STARD8: variants seen among roughly 807,000 people sequenced by gnomAD.
The protein encoded by STARD8 is stAR-related lipid transfer protein 8.
Under a neutral mutation model 69.4 loss-of-function variants are expected in STARD8, and 25 were observed. That is an observed-to-expected ratio of 0.36 (90% CI 0.26 to 0.50). STARD8 has a LOEUF of 0.50. STARD8 is among the 20% of genes least tolerant of loss of function. The pLI is 0.96. For synonymous variants in STARD8, 389 were observed against 374.6 expected (o/e 1.04, Z -0.45); for missense variants, 921 against 932.5 (o/e 0.99, Z 0.16).
At chrX:68,711,216 A>G (rs1196289469) in intron 2 of STARD8, among the ~76,000 whole-genome samples, 1 of 102,360 alleles carries the variant, frequency 9.8e-6, no homozygotes, top group Non-Finnish European at 1.9e-5. Flanking sequence ...ACATACATGT[A>G]TGCATGCACA....
At chrX:68,691,780 A>C (rs952444002) in intron 2 of STARD8, among the ~76,000 whole-genome samples, 2 of 112,354 alleles carry the variant, frequency 1.8e-5, no homozygotes, top group African/African-American at 6.5e-5. Flanking sequence ...CTTTTAAAAA[A>C]ATACAGCTGG....
At chrX:68,695,992 G>T (rs2079916862) in intron 2 of STARD8, among the ~76,000 whole-genome samples, 2 of 112,062 alleles carry the variant, frequency 1.8e-5, no homozygotes, top group African/African-American at 3.2e-5. Context: ...GAAAGTTCAG[G>T]TTCAACAGAT....
intron 12 of STARD8, among the ~76,000 whole-genome samples, 181 bp from the exon 13 acceptor site, chrX:68,723,445 A>AAG (rs1178723693): frequency 1.8e-5 from 2 of 111,998 alleles, no homozygotes; most frequent in Admixed American, 9.4e-5. Context: ...ACATCCAGAA[A>AAG]AGAGAGAGAG....
At chrX:68,705,414 G>A (rs752841713) in intron 2 of STARD8, among the ~76,000 whole-genome samples, 8 of 112,453 alleles carry the variant, frequency 7.1e-5, no homozygotes, top group African/African-American at 2.3e-4. Flanking sequence ...AGGAGCTCAG[G>A]CCACTGCTTC....
chrX:68,654,723 T>C (rs2079600828), intron 1 of STARD8, among the ~76,000 whole-genome samples: 2 of 110,642 alleles, frequency 1.8e-5, no homozygotes, highest in South Asian at 7.7e-4. Flanking sequence ...CTGTGCAGGC[T>C]CACATTCATG....
At chrX:68,723,910 T>C in intron 13 of STARD8, 35 bp from the exon 14 acceptor site, 1 of 1,209,091 alleles carries the variant, frequency 8.3e-7, no homozygotes, top group Non-Finnish European at 1.1e-6. Flanking sequence ...AAACCAGCAC[T>C]AGGAATCTGA....
At chrX:68,693,078 T>A (rs772746815) in intron 2 of STARD8, among the ~76,000 whole-genome samples, 64 of 112,814 alleles carry the variant, frequency 5.7e-4, no homozygotes, top group Middle Eastern at 4.6e-3. Context: ...CCTGCCACGA[T>A]TAATGTTCGT....
intron 2 of STARD8, among the ~76,000 whole-genome samples, chrX:68,695,343 C>T (rs1273786497): frequency 9.0e-6 from 1 of 111,111 alleles, no homozygotes; most frequent in Non-Finnish European, 1.9e-5. Flanking sequence ...TGCCATCTAG[C>T]TGGACATTCT....
Position 68,715,287 on chromosome X carries a change from C to G in STARD8, c.152-7C>G. 8.3e-7 allele frequency: 1 copy of G among 1,202,863 alleles called. No homozygotes were observed. ...TGCACTCATCTTTGCTTCTCTCTGC[C>G]ATACAGAAGGTTCGTTTCCCCTGGA... On this transcript the variant is annotated splice_region_variant and splice_polypyrimidine_tract_variant and intron_variant, in intron 3 of 14. Transcript: ENST00000374599.
chrX:68,694,830 G>A (rs1351133505), intron 2 of STARD8, among the ~76,000 whole-genome samples: 1 of 110,905 alleles, frequency 9.0e-6, no homozygotes, highest in East Asian at 2.8e-4. Context: ...TGCGTGGAGG[G>A]GTGGGCGACA....
At chrX:68,721,923 C>T (rs1198735916) in intron 10 of STARD8, 124 bp from the exon 11 acceptor site, 1 of 799,916 alleles carries the variant, frequency 1.3e-6, no homozygotes, top group Non-Finnish European at 1.8e-6. Context: ...TTCCAAAAGG[C>T]AGCAGGTTGT....
chrX:68,717,703 C>T lies in STARD8; in HGVS notation c.789C>T (p.Ala263=), dbSNP rs752022489. ...GATTTTACAGGGCCAAGAACTGGGC[C>T]GCCACCTCAGCCGGTGGCAGTGGTG... ...SAGFYRAKNW[A]ATSAGGSGAN... The change falls in exon 6 of 15, where the codon GCC becomes GCT. Residue 263 remains alanine, a synonymous_variant. Transcript: ENST00000374599. 22 of 1,210,794 alleles carry T rather than the reference C, an allele frequency of 1.8e-5. No homozygotes were observed. Among genetic ancestry groups the T allele is most frequent in the Middle Eastern group, 2.3e-4 (1 of 4,375 alleles).
Position 68,722,103 on chromosome X carries a change from A to G in STARD8, c.2516A>G (p.Asn839Ser), listed in dbSNP as rs1447200033. The change falls in exon 11 of 15, where the codon AAC becomes AGC. Residue 839 changes from asparagine to serine, a missense_variant. Transcript: ENST00000374599. ...GRPGPRDLSD[N>S]MAATQGLSHM... ...CCAGGCCCTAGGGACCTGAGTGACA[A>G]CATGGCAGCCACCCAGGGCCTGTCG... 2.5e-6 allele frequency: 3 copies of G among 1,206,358 alleles called. No homozygotes were observed. The African/African-American group carries it at 5.3e-5, about 21-fold the overall frequency.
At chrX:68,667,470 G>A (rs912983762) in intron 2 of STARD8, among the ~76,000 whole-genome samples, 7 of 112,286 alleles carry the variant, frequency 6.2e-5, no homozygotes, top group African/African-American at 2.3e-4. Flanking sequence ...GGGGTGAGCA[G>A]AACGCTTCAT....
chrX:68,648,132 G>C (rs1407589628), intron 1 of STARD8, among the ~76,000 whole-genome samples: 1 of 112,367 alleles, frequency 8.9e-6, no homozygotes, highest in Non-Finnish European at 1.9e-5. Context: ...ATACAAACAA[G>C]TCTGCTAGTT....
intron 3 of STARD8, among the ~76,000 whole-genome samples, chrX:68,713,528 C>A (rs1455537405): frequency 4.5e-5 from 5 of 111,777 alleles, no homozygotes; most frequent in Non-Finnish European, 9.4e-5. Flanking sequence ...TGGTCACACT[C>A]AGTGGTCACT....
chrX:68,653,315 A>C (rs2079582378), intron 1 of STARD8, among the ~76,000 whole-genome samples: 2 of 46,932 alleles, frequency 4.3e-5, no homozygotes, highest in Non-Finnish European at 3.8e-5. Context: ...ACCACACCAC[A>C]CACCACACAC....
intron 5 of STARD8, 135 bp from the exon 6 acceptor site, chrX:68,717,077 C>G (rs1390428322): frequency 9.9e-7 from 1 of 1,009,384 alleles, no homozygotes; most frequent in African/African-American, 2.0e-5. Context: ...CTCTCCCCAC[C>G]TAGGCCATGT....
In STARD8 at chrX:68,690,097, T is replaced by C. The variant is rs188488119; in HGVS notation, c.80-22817T>C. ...GATCAATAGCCCCCTTTCATGAGGC[T>C]GGGCGGGGGCCCCAAGCCACCAGGG... On this transcript the variant is annotated intron_variant, in intron 2 of 14. Coordinates refer to ENST00000374599, the MANE Select transcript of STARD8 (RefSeq NM_001142503.3). Among the ~76,000 whole-genome samples, 918 of 110,569 alleles carry C rather than the reference T, an allele frequency of 8.3e-3. 8 individuals are homozygous for C. The highest frequency in any genetic ancestry group is 0.012 in the Non-Finnish European group (645 of 53,008).
Sources: gnomAD v4.1 joint callset for allele counts (sites outside exome capture counted in the v4.1 genomes callset) on GRCh38, gnomAD v4.1.1 for gene constraint, MANE v1.5 for transcripts, NCBI Gene and HGNC (gene_info 2026-07-23, HGNC 2026-07-21) for gene names.